PTK2B: variants seen among roughly 807,000 people sequenced by gnomAD.
PTK2B encodes the protein protein tyrosine kinase 2 beta.
PTK2B carries 71 observed loss-of-function variants against 142.9 expected under a neutral mutation model. The ratio of observed to expected loss-of-function variants is 0.50; its 90% CI spans 0.41 to 0.61. PTK2B has a LOEUF of 0.61. Ranked by LOEUF, PTK2B falls within the 20% of genes least tolerant of loss-of-function variation. The probability of loss-of-function intolerance (pLI) is 0.00; values close to 1 mark genes in which losing one functional copy is unlikely to be tolerated. For synonymous variants in PTK2B, 519 were observed against 503.4 expected, an observed-to-expected ratio of 1.03 and a Z score of -0.42; for missense variants, 1,105 against 1,320.4, an observed-to-expected ratio of 0.84 and a Z score of 2.53.
chr8:27,359,517 G>C (rs1444817611), intron 1 of PTK2B, among the ~76,000 whole-genome samples: 1 of 152,198 alleles, frequency 6.6e-6, no homozygotes, highest in East Asian at 1.9e-4. Flanking sequence ...AAGGTGGGTT[G>C]CTTGGTTGTA....
In PTK2B at chr8:27,312,776, C is replaced by T. The variant is rs56679712; in HGVS notation, c.-497+389C>T. 8.7e-3 allele frequency among the ~76,000 whole-genome samples: 1,320 copies of T among 152,284 alleles called. 29 individuals are homozygous for T. Among genetic ancestry groups the T allele is most frequent in the African/African-American group, 0.03 (1,247 of 41,546 alleles). ...AGTCTTGAAACCTTAAAATATTACT[C>T]TTTCTCTCTGCCTTTCTGTGGAATA... is the stretch of plus-strand genomic sequence containing the variant. On this transcript the variant is annotated intron_variant, in intron 2 of 35. Transcript: ENST00000397501.
At chr8:27,351,158 T>G (rs1362220599) in intron 1 of PTK2B, among the ~76,000 whole-genome samples, 1 of 148,070 alleles carries the variant, frequency 6.8e-6, no homozygotes, top group East Asian at 2.0e-4. Context: ...GAGCTATAAT[T>G]ATACCATTGC....
intron 3 of PTK2B, among the ~76,000 whole-genome samples, chr8:27,319,977 C>T (rs1382854206): frequency 6.6e-6 from 1 of 152,184 alleles, no homozygotes; most frequent in Non-Finnish European, 1.5e-5. Context: ...TGCCAGTGAA[C>T]ACCAGCTGGT....
At chr8:27,348,139 A>C (rs1303130024) in intron 1 of PTK2B, among the ~76,000 whole-genome samples, 1 of 152,262 alleles carries the variant, frequency 6.6e-6, no homozygotes, top group Non-Finnish European at 1.5e-5. Context: ...TGAGTAACAT[A>C]TGGGAAAAAA....
intron 1 of PTK2B, among the ~76,000 whole-genome samples, chr8:27,353,718 T>C (rs1233130214): frequency 6.6e-6 from 1 of 152,200 alleles, no homozygotes; most frequent in Non-Finnish European, 1.5e-5. Flanking sequence ...CTCAGCTGCA[T>C]GAAGGTTAAT....
chr8:27,315,391 T>C (rs1306201225), intron 3 of PTK2B, among the ~76,000 whole-genome samples: 1 of 152,136 alleles, frequency 6.6e-6, no homozygotes, highest in Non-Finnish European at 1.5e-5. Context: ...CCAGCTATGG[T>C]TGGTTAGTGG....
chr8:27,445,787 T>C lies in PTK2B; in HGVS notation c.2215-7T>C, dbSNP rs775988382. The C allele has an allele frequency of 6.2e-7, 1 of 1,613,420 alleles. No individual in the cohort carries two copies. The highest frequency in any genetic ancestry group is 8.5e-7 in the Non-Finnish European group (1 of 1,180,042). The stretch of plus-strand genomic sequence containing the variant: ...GTGCCTTGTGCTTCTTTGCTTTTCC[T>C]GAATAGGTTCCTGAGGGTCTGTGTG... On this transcript the variant is annotated splice_region_variant and splice_polypyrimidine_tract_variant and intron_variant, in intron 23 of 30. Transcript: ENST00000346049.
At chr8:27,431,173 C>A in intron 8 of PTK2B, 157 bp downstream of exon 8, 1 of 1,466,356 alleles carries the variant, frequency 6.8e-7, no homozygotes, top group Non-Finnish European at 9.2e-7. Context: ...CAAAAGCATC[C>A]CCTTGCCTGA....
chr8:27,422,190 G>T, intron 4 of PTK2B, 114 bp from the exon 5 acceptor site: 1 of 967,154 alleles, frequency 1.0e-6, no homozygotes, highest in Non-Finnish European at 1.5e-6. Flanking sequence ...TTGTGGTGGG[G>T]TGGGTGGCTG....
At position 27,430,953 on chromosome 8, in the gene PTK2B, G is replaced by A. The variant is rs1228393362; in HGVS notation, c.747G>A (p.Lys249=). ...TCAGGGAGGAGGAGTGCGTCATGAA[G>A]TTCTTCAACACTCTCGCCGGCTTCG... ...ASLREEECVM[K]FFNTLAGFAN... is the part of the protein sequence containing the mutation. Residue 249 remains lysine (K), a synonymous_variant, in exon 8 of 31, where the codon AAG becomes AAA. Transcript: ENST00000346049. 1.9e-6 allele frequency: 3 copies of A among 1,614,096 alleles called. No homozygotes were observed. Among genetic ancestry groups the A allele is most frequent in the South Asian group, 1.1e-5 (1 of 91,086 alleles).
intron 14 of PTK2B, 59 bp from the exon 15 acceptor site, chr8:27,436,192 G>A: frequency 6.5e-7 from 1 of 1,546,406 alleles, no homozygotes; most frequent in Non-Finnish European, 8.9e-7. Flanking sequence ...AGACACTCAG[G>A]TTCCCTAGGG....
intron 3 of PTK2B, among the ~76,000 whole-genome samples, chr8:27,313,472 C>A (rs1216998074): frequency 1.3e-5 from 2 of 152,160 alleles, no homozygotes; most frequent in African/African-American, 4.8e-5. Context: ...TTGGAAGAGA[C>A]CCAAGCGGGC....
At position 27,414,411 on chromosome 8, in the gene PTK2B, A is replaced by AT. The variant is rs1187178751; in HGVS notation, c.205-5477dup. On this transcript the variant is annotated intron_variant, in intron 2 of 30. Coordinates refer to ENST00000346049, the MANE Select transcript of PTK2B (RefSeq NM_173176.3). ...AGGCATCCACCACCACACCCGGCTA[A>AT]TTTTTTTGTATTTTTTAGTAGAGAC... 1.1e-4 allele frequency among the ~76,000 whole-genome samples: 17 copies of AT among 152,010 alleles called. No individual in the cohort carries two copies. The South Asian group carries it at 1.9e-3, about 17-fold the overall frequency.
intron 1 of PTK2B, among the ~76,000 whole-genome samples, chr8:27,360,045 C>G (rs941650908): frequency 6.6e-6 from 1 of 152,176 alleles, no homozygotes; most frequent in African/African-American, 2.4e-5. Flanking sequence ...CTTTACCACT[C>G]GGATGTGATT....
At chr8:27,444,883 T>C (rs1219925756) in intron 23 of PTK2B, among the ~76,000 whole-genome samples, 2 of 152,164 alleles carry the variant, frequency 1.3e-5, no homozygotes, top group Non-Finnish European at 1.5e-5. Flanking sequence ...CCAGAAATAA[T>C]GTCCATTTAG....
chr8:27,320,601 TA>T (rs1367933334), upstream of PTK2B, among the ~76,000 whole-genome samples: 1 of 152,098 alleles, frequency 6.6e-6, no homozygotes, highest in Non-Finnish European at 1.5e-5. Flanking sequence ...TGTCCTTTAT[TA>T]AAAAAGATAT....
intron 2 of PTK2B, 138 bp from the exon 3 acceptor site, chr8:27,419,757 A>C: frequency 2.2e-6 from 2 of 898,460 alleles, no homozygotes; most frequent in Non-Finnish European, 3.3e-6. Context: ...CTTCCCCTAA[A>C]TGCTAGAGAA....
intron 1 of PTK2B, among the ~76,000 whole-genome samples, chr8:27,361,648 C>A (rs1563219770): frequency 6.6e-6 from 1 of 152,134 alleles, no homozygotes; most frequent in Non-Finnish European, 1.5e-5. Context: ...CAGGCACCTT[C>A]TCTGTAAAAT....
chr8:27,330,128 A>G (rs1221157050), intron 1 of PTK2B, among the ~76,000 whole-genome samples: 1 of 152,148 alleles, frequency 6.6e-6, no homozygotes, highest in South Asian at 2.1e-4. Context: ...GACTGTTTCG[A>G]TATTTCAACA....
Sources: allele counts gnomAD v4.1 joint callset (sites outside exome capture counted in the v4.1 genomes callset), GRCh38; gene constraint gnomAD v4.1.1; transcripts MANE v1.5; gene names NCBI Gene and HGNC (gene_info 2026-07-23, HGNC 2026-07-21).